The following ARHGAP26 variants were observed in gnomAD, a reference collection of about 807,000 sequenced individuals.
The protein encoded by ARHGAP26 is Rho GTPase activating protein 26.
ARHGAP26 carries 38 observed loss-of-function variants against 104.8 expected under a neutral mutation model. The observed-to-expected ratio is 0.36, with a 90% CI of 0.28 to 0.48. The LOEUF is 0.48. ARHGAP26 is among the 20% of genes least tolerant of loss of function. The pLI is 0.99. For missense variants in ARHGAP26, 704 were observed against 947.9 expected (o/e 0.74, Z 3.38); for synonymous variants, 341 against 340.0 (o/e 1.00, Z -0.03).
At chr5:142,850,051 G>A (rs989829399) in intron 1 of ARHGAP26, among the ~76,000 whole-genome samples, 1 of 152,078 alleles carries the variant, frequency 6.6e-6, no homozygotes, top group Non-Finnish European at 1.5e-5. Flanking sequence ...CCCTTCCTCT[G>A]TGGAGACAGA....
chr5:143,072,999 C>T (rs1788491922), intron 17 of ARHGAP26, among the ~76,000 whole-genome samples: 1 of 151,858 alleles, frequency 6.6e-6, no homozygotes, highest in African/African-American at 2.4e-5. Flanking sequence ...ACTATGTACC[C>T]CATGAATATG....
chr5:142,942,221 C>T (rs996338546), intron 11 of ARHGAP26, among the ~76,000 whole-genome samples: 7 of 152,094 alleles, frequency 4.6e-5, no homozygotes, highest in African/African-American at 1.7e-4. Context: ...CTTACTTGTA[C>T]CAGAATTTAG....
At position 142,770,749 on chromosome 5, in the gene ARHGAP26, C is replaced by A. The variant is rs564548820; in HGVS notation, c.-13C>A. Reference sequence around the variant, plus strand: ...GGCGGAGGCGCGCCCCCCGGCTGGGCGCCGCGCGCACCATGGGGCTCCCAG... The same window carrying A: ...GGCGGAGGCGCGCCCCCCGGCTGGGAGCCGCGCGCACCATGGGGCTCCCAG... On this transcript the variant is annotated 5_prime_UTR_variant, in exon 1 of 23. Transcript: ENST00000645722. The A allele has an allele frequency of 1.5e-6, 2 of 1,375,296 alleles. No individual in the cohort carries two copies. The highest frequency in any genetic ancestry group is 1.9e-6 in the Non-Finnish European group (2 of 1,051,606). 85.2% of individuals were successfully genotyped at this position (1,375,296 alleles called of 1,614,324 possible). A position where few individuals can be genotyped will look rare whatever the true frequency, so the allele number is the denominator to read the frequency against.
Position 142,982,994 on chromosome 5 carries a change from G to A in ARHGAP26, c.1108-31086G>A, listed in dbSNP as rs182290519. On this transcript the variant is annotated intron_variant, in intron 11 of 22. Coordinates refer to ENST00000645722, the MANE Select transcript of ARHGAP26 (RefSeq NM_001135608.3). ...TGCATCTGGGGTTGGTGGTTATTTC[G>A]TGCAGGTGACCTGAGAGCTGCCTGG... is the stretch of plus-strand genomic sequence containing the variant. Among the ~76,000 whole-genome samples the A allele has an allele frequency of 4.0e-3, 604 of 152,252 alleles. 7 individuals carry two copies. Among genetic ancestry groups the A allele is most frequent in the South Asian group, 0.028 (133 of 4,824 alleles).
intron 12 of ARHGAP26, among the ~76,000 whole-genome samples, chr5:143,017,409 TCTC>T (rs1311935529): frequency 4.6e-5 from 7 of 152,310 alleles, no homozygotes; most frequent in African/African-American, 1.7e-4. Flanking sequence ...AGCCTTTTCT[TCTC>T]CTCTTCTCTA....
intron 17 of ARHGAP26, among the ~76,000 whole-genome samples, chr5:143,089,958 G>T (rs1375459903): frequency 6.6e-6 from 1 of 152,230 alleles, no homozygotes; most frequent in African/African-American, 2.4e-5. Context: ...CAGTTATTCG[G>T]CAGAGTGTCC....
chr5:142,931,953 A>G (rs958029793), intron 10 of ARHGAP26, 94 bp from the exon 11 acceptor site: 41 of 1,166,298 alleles, frequency 3.5e-5, no homozygotes, highest in Admixed American at 8.5e-5. Context: ...CTTAGCAGCC[A>G]CTGACTCTTT....
chr5:143,004,749 A>G (rs1295543106), intron 11 of ARHGAP26, among the ~76,000 whole-genome samples: 1 of 152,174 alleles, frequency 6.6e-6, no homozygotes, highest in African/African-American at 2.4e-5. Context: ...TCTCCAACCA[A>G]CACTGTGGTT....
At chr5:143,006,726 G>A (rs1448303822) in intron 11 of ARHGAP26, among the ~76,000 whole-genome samples, 1 of 152,186 alleles carries the variant, frequency 6.6e-6, no homozygotes, top group Non-Finnish European at 1.5e-5. Flanking sequence ...CTGGCTCCCT[G>A]GCTCTGACCC....
At chr5:142,913,088 C>T in intron 9 of ARHGAP26, 111 bp from the exon 10 acceptor site, 2 of 954,630 alleles carry the variant, frequency 2.1e-6, no homozygotes, top group Non-Finnish European at 3.4e-6. Flanking sequence ...GTCATGAGCA[C>T]TCAGATTTGA....
chr5:143,165,077 T>C (rs1007233952), intron 20 of ARHGAP26: 1 of 152,280 alleles, frequency 6.6e-6, no homozygotes, highest in African/African-American at 2.4e-5. Flanking sequence ...TCAGCTGAGC[T>C]GGCCCGTGTG....
chr5:142,981,711 T>TCTTC (rs1470968017), intron 11 of ARHGAP26, among the ~76,000 whole-genome samples: 1 of 152,162 alleles, frequency 6.6e-6, no homozygotes, highest in Non-Finnish European at 1.5e-5. Context: ...ATTAATTGCG[T>TCTTC]CTTCCTTCCT....
chr5:143,054,211 T>A (rs1055074579), intron 14 of ARHGAP26, among the ~76,000 whole-genome samples: 10 of 152,240 alleles, frequency 6.6e-5, no homozygotes, highest in Admixed American at 5.9e-4. Context: ...CATTTGTCTC[T>A]CCTGCTGCCA....
intron 1 of ARHGAP26, among the ~76,000 whole-genome samples, chr5:142,870,707 G>A (rs2152346414): frequency 6.6e-6 from 1 of 152,288 alleles, no homozygotes; most frequent in East Asian, 1.9e-4. Flanking sequence ...CTAACCCACG[G>A]GCTGACAGCC....
intron 18 of ARHGAP26, among the ~76,000 whole-genome samples, chr5:143,126,907 C>T (rs770088259): frequency 6.6e-6 from 1 of 152,190 alleles, no homozygotes; most frequent in Non-Finnish European, 1.5e-5. Context: ...CCTTATCACA[C>T]TGAGTCTTAA....
chr5:143,178,394 G>A (rs1803805665), intron 20 of ARHGAP26, among the ~76,000 whole-genome samples: 1 of 152,180 alleles, frequency 6.6e-6, no homozygotes, highest in Non-Finnish European at 1.5e-5. Context: ...CCCAGAAGAA[G>A]GAGCATTGTG....
At chr5:143,078,144 A>G (rs1789298560) in intron 17 of ARHGAP26, among the ~76,000 whole-genome samples, 1 of 152,252 alleles carries the variant, frequency 6.6e-6, no homozygotes, top group African/African-American at 2.4e-5. Context: ...AGGTTCCTGC[A>G]TTACCCAGCC....
At chr5:142,842,798 G>T (rs1249570912) in intron 1 of ARHGAP26, among the ~76,000 whole-genome samples, 1 of 152,168 alleles carries the variant, frequency 6.6e-6, no homozygotes, top group African/African-American at 2.4e-5. Context: ...TATGCAATAG[G>T]CTTAGAACGT....
intron 11 of ARHGAP26, among the ~76,000 whole-genome samples, chr5:143,007,143 C>G (rs1019750446): frequency 6.8e-6 from 1 of 147,518 alleles, no homozygotes; most frequent in Non-Finnish European, 1.5e-5. Context: ...TGCAGTGAGC[C>G]GAGATCGCAC....
Sources: gnomAD v4.1 joint callset for allele counts (sites outside exome capture counted in the v4.1 genomes callset) on GRCh38, gnomAD v4.1.1 for gene constraint, MANE v1.5 for transcripts, NCBI Gene and HGNC (gene_info 2026-07-23, HGNC 2026-07-21) for gene names.